Variants in TRIP12 observed in about 807,000 individuals in gnomAD.
The protein encoded by TRIP12 is E3 ubiquitin-protein ligase TRIP12.
In TRIP12, 25 loss-of-function variants were observed where a neutral mutation model predicts 244.2. The ratio of observed to expected loss-of-function variants is 0.10; its 90% CI spans 0.07 to 0.14. The LOEUF (loss-of-function observed/expected upper bound fraction) is 0.14, where lower values mean the gene tolerates loss of function less well. Ranked by LOEUF, TRIP12 falls within the 10% of genes least tolerant of loss-of-function variation. The pLI, the probability that TRIP12 is intolerant of heterozygous loss-of-function variation, is 1.00. For missense variants in TRIP12, 1,677 were observed against 2,486.4 expected, an observed-to-expected ratio of 0.67 and a Z score of 6.92; for synonymous variants, 905 against 873.1, an observed-to-expected ratio of 1.04 and a Z score of -0.64.
intron 2 of TRIP12, among the ~76,000 whole-genome samples, chr2:229,864,044 G>C (rs1441291247): frequency 1.4e-5 from 1 of 72,372 alleles, no homozygotes; most frequent in Non-Finnish European, 2.8e-5. Context: ...GAGAGAGAGA[G>C]AGAGTGTGTG....
At chr2:229,875,698 A>G (rs1012267781) in intron 2 of TRIP12, among the ~76,000 whole-genome samples, 3 of 152,216 alleles carry the variant, frequency 2.0e-5, no homozygotes, top group Non-Finnish European at 4.4e-5. Flanking sequence ...TAAACTTAAA[A>G]CACTCCATTA....
chr2:229,922,313 G>A (rs781714911), upstream of TRIP12: 3 of 587,152 alleles, frequency 5.1e-6, no homozygotes, highest in Non-Finnish European at 6.0e-6. Flanking sequence ...ATTCCCCCTC[G>A]GGTCACCCGG....
chr2:229,886,247 A>C (rs1004111450), intron 1 of TRIP12, among the ~76,000 whole-genome samples: 2 of 152,222 alleles, frequency 1.3e-5, no homozygotes, highest in African/African-American at 2.4e-5. Context: ...GAACAGCACA[A>C]TGCAGTTTAT....
At chr2:229,843,876 T>C (rs1205165734) in intron 4 of TRIP12, among the ~76,000 whole-genome samples, 1 of 149,914 alleles carries the variant, frequency 6.7e-6, no homozygotes, top group African/African-American at 2.5e-5. Flanking sequence ...AGCAAGACCT[T>C]GCGAAAAGAA....
intron 1 of TRIP12, among the ~76,000 whole-genome samples, chr2:229,891,872 T>C (rs1421331894): frequency 6.6e-6 from 1 of 152,150 alleles, no homozygotes; most frequent in Non-Finnish European, 1.5e-5. Flanking sequence ...ATCACGATGG[T>C]CACTGCAGTA....
chr2:229,783,387 T>C (rs750930645), intron 34 of TRIP12, among the ~76,000 whole-genome samples: 41 of 152,150 alleles, frequency 2.7e-4, no homozygotes, highest in Admixed American at 1.4e-3. Context: ...CAGAAAGTTT[T>C]CCCAAGCCAT....
chr2:229,813,962 T>C lies in TRIP12; in HGVS notation c.1894A>G (p.Ile632Val). ...ATACTCTGGCAGCAATTAGCTGCAATTGCTAATGCATTTCTTTGGGCATTT... is the reference window on the plus strand; with the variant it reads ...ATACTCTGGCAGCAATTAGCTGCAACTGCTAATGCATTTCTTTGGGCATTT... ...SINAQRNALAIAANCCQSITP... is the reference protein window; with the variant it reads ...SINAQRNALAVAANCCQSITP... Residue 632 changes from isoleucine (I) to valine (V), a missense_variant, in exon 13 of 42, where the codon ATT (isoleucine) becomes GTT (valine). Transcript: ENST00000675903. 1.9e-6 allele frequency: 3 copies of C among 1,599,474 alleles called. No individual in the cohort carries two copies. Among genetic ancestry groups the C allele is most frequent in the East Asian group, 2.2e-5 (1 of 44,482 alleles).
At chr2:229,922,219 G>C (rs1008842644), upstream of TRIP12, 3 of 301,238 alleles carry the variant, frequency 1.0e-5, no homozygotes, top group Admixed American at 9.8e-5. Context: ...CGATCCCTTC[G>C]AGGGACCAGG....
At chr2:229,880,555 C>T (rs953001174) in intron 1 of TRIP12, among the ~76,000 whole-genome samples, 4 of 152,226 alleles carry the variant, frequency 2.6e-5, no homozygotes, top group African/African-American at 9.7e-5. Flanking sequence ...CAAATCACAG[C>T]CTCTAAGCCT....
chr2:229,798,249 C>T (rs1051520123), intron 23 of TRIP12, among the ~76,000 whole-genome samples: 15 of 152,044 alleles, frequency 9.9e-5, no homozygotes, highest in African/African-American at 2.9e-4. Context: ...AAATAAGACC[C>T]GGCTGCTTAA....
intron 21 of TRIP12, among the ~76,000 whole-genome samples, chr2:229,801,059 T>C (rs1229957330): frequency 6.6e-6 from 1 of 152,176 alleles, no homozygotes; most frequent in Non-Finnish European, 1.5e-5. Context: ...AACCCTGCAA[T>C]AACTTATGTT....
At chr2:229,876,589 T>A (rs2063623173) in intron 2 of TRIP12, among the ~76,000 whole-genome samples, 1 of 152,228 alleles carries the variant, frequency 6.6e-6, no homozygotes, top group East Asian at 1.9e-4. Context: ...GTTACAACTT[T>A]GAGCTACTTA....
intron 2 of TRIP12, among the ~76,000 whole-genome samples, chr2:229,871,925 T>C (rs149437206): frequency 1.3e-4 from 19 of 151,988 alleles, no homozygotes; most frequent in African/African-American, 4.1e-4. Flanking sequence ...ACTAGAGAAG[T>C]ACTAGTACAA....
At chr2:229,877,199 A>T (rs1212019405) in intron 2 of TRIP12, among the ~76,000 whole-genome samples, 1 of 151,782 alleles carries the variant, frequency 6.6e-6, no homozygotes, top group Non-Finnish European at 1.5e-5. Context: ...AGAAAAATAG[A>T]GTTAGACTCT....
intron 1 of TRIP12, among the ~76,000 whole-genome samples, chr2:229,883,320 C>T (rs543977174): frequency 1.1e-4 from 16 of 152,310 alleles, no homozygotes; most frequent in South Asian, 1.0e-3. Context: ...GTTTTCTCTA[C>T]GCAATGAATT....
At chr2:229,857,863 T>G (rs1298345920) in intron 4 of TRIP12, among the ~76,000 whole-genome samples, 1 of 152,230 alleles carries the variant, frequency 6.6e-6, no homozygotes, top group African/African-American at 2.4e-5. Flanking sequence ...TACTCCACTG[T>G]AAACTTTTAG....
At chr2:229,864,272 T>G (rs2061113344) in intron 2 of TRIP12, among the ~76,000 whole-genome samples, 1 of 152,206 alleles carries the variant, frequency 6.6e-6, no homozygotes, top group Non-Finnish European at 1.5e-5. Context: ...ACATCAATTT[T>G]AATAAAAAAT....
intron 26 of TRIP12, among the ~76,000 whole-genome samples, chr2:229,794,301 G>A (rs371634698): frequency 2.0e-5 from 3 of 152,106 alleles, no homozygotes; most frequent in East Asian, 1.9e-4. Context: ...GCTGAGTGTG[G>A]TGGCTCAGAA....
chr2:229,897,708 T>G (rs557047855), intron 1 of TRIP12, among the ~76,000 whole-genome samples: 4 of 152,374 alleles, frequency 2.6e-5, no homozygotes, highest in Middle Eastern at 3.4e-3. Context: ...TAAAGTTCTC[T>G]ATACTTCTGC....
Sources: allele counts gnomAD v4.1 joint callset (sites outside exome capture counted in the v4.1 genomes callset), GRCh38; gene constraint gnomAD v4.1.1; transcripts MANE v1.5; gene names NCBI Gene and HGNC (gene_info 2026-07-23, HGNC 2026-07-21).